PHC3: variants seen among roughly 807,000 people sequenced by gnomAD.
PHC3 encodes the protein polyhomeotic-like protein 3.
A neutral mutation model predicts 107.4 loss-of-function variants in PHC3; 13 were observed. That is an observed-to-expected ratio of 0.12 (90% CI 0.08 to 0.19). The LOEUF is 0.19. PHC3 is among the 10% of genes least tolerant of loss of function. The pLI is 1.00. For synonymous variants in PHC3, 456 were observed against 427.4 expected (o/e 1.07, Z -0.83); for missense variants, 992 against 1,210.9 (o/e 0.82, Z 2.68).
intron 8 of PHC3, among the ~76,000 whole-genome samples, chr3:170,127,745 G>A (rs754303857): frequency 8.5e-5 from 13 of 152,174 alleles, no homozygotes; most frequent in African/African-American, 3.1e-4. Context: ...CCTTTAGGAA[G>A]ATTCTTCTCC....
At chr3:170,172,781 T>C (rs1729812301) in intron 2 of PHC3, 69 bp from the exon 3 acceptor site, 2 of 1,508,086 alleles carry the variant, frequency 1.3e-6, no homozygotes, top group Non-Finnish European at 8.9e-7. Context: ...AAAATCAAAG[T>C]ATAAAAAAGT....
chr3:170,165,920 C>A (rs1043421047), intron 4 of PHC3, among the ~76,000 whole-genome samples: 1 of 148,048 alleles, frequency 6.8e-6, no homozygotes, highest in East Asian at 2.0e-4. Flanking sequence ...CTGGACAACA[C>A]AGTGAGACCC....
intron 4 of PHC3, among the ~76,000 whole-genome samples, chr3:170,155,819 C>T (rs1726803407): frequency 6.6e-6 from 1 of 152,114 alleles, no homozygotes; most frequent in Non-Finnish European, 1.5e-5. Context: ...GAAACACACA[C>T]ACACCCATGC....
intron 4 of PHC3, among the ~76,000 whole-genome samples, chr3:170,166,716 G>C (rs753350463): frequency 3.6e-4 from 55 of 152,072 alleles, no homozygotes; most frequent in Non-Finnish European, 7.1e-4. Flanking sequence ...CCAGGCTAGA[G>C]TACAGTGGCA....
chr3:170,125,661 CCAT>C (rs1283181583), intron 8 of PHC3, among the ~76,000 whole-genome samples: 1 of 152,074 alleles, frequency 6.6e-6, no homozygotes, highest in Non-Finnish European at 1.5e-5. Context: ...TTGAAATAAT[CCAT>C]CAAATACTGT....
At chr3:170,135,796 G>A (rs925679172) in intron 7 of PHC3, among the ~76,000 whole-genome samples, 1 of 152,124 alleles carries the variant, frequency 6.6e-6, no homozygotes, top group African/African-American at 2.4e-5. Context: ...GAGATGAACA[G>A]AAGAGACAGT....
chr3:170,167,675 G>A (rs945289112), intron 4 of PHC3, among the ~76,000 whole-genome samples: 5 of 150,120 alleles, frequency 3.3e-5, no homozygotes, highest in Non-Finnish European at 7.4e-5. Context: ...CAGGAGAATC[G>A]CTTGAACCCA....
chr3:170,119,540 G>A (rs1030632446), intron 9 of PHC3, among the ~76,000 whole-genome samples: 14 of 151,834 alleles, frequency 9.2e-5, no homozygotes, highest in Admixed American at 2.6e-4. Flanking sequence ...TGTAAAAATC[G>A]AAAACATGAG....
chr3:170,162,899 C>T (rs578217798), intron 4 of PHC3, among the ~76,000 whole-genome samples: 2 of 152,290 alleles, frequency 1.3e-5, no homozygotes, highest in East Asian at 1.9e-4. Context: ...GCCCTCCTCA[C>T]CATTCTTAAA....
At chr3:170,173,170 G>A (rs1189060167) in intron 2 of PHC3, among the ~76,000 whole-genome samples, 3 of 150,638 alleles carry the variant, frequency 2.0e-5, no homozygotes, top group Non-Finnish European at 3.0e-5. Flanking sequence ...TCCAGCCTGG[G>A]CGACACAGCA....
chr3:170,150,992 C>G (rs555308083), intron 4 of PHC3, among the ~76,000 whole-genome samples: 1 of 152,020 alleles, frequency 6.6e-6, no homozygotes, highest in African/African-American at 2.4e-5. Flanking sequence ...GTGGGCGGAT[C>G]GCAAGGTCAG....
intron 2 of PHC3, among the ~76,000 whole-genome samples, chr3:170,178,229 C>A (rs1055377642): frequency 6.6e-6 from 1 of 151,374 alleles, no homozygotes; most frequent in Non-Finnish European, 1.5e-5. Context: ...CTGCAAGCTC[C>A]GCCTTCCGGG....
chr3:170,150,553 A>AAAAAAAAAAAG (rs1455753034), intron 4 of PHC3: 12 of 167,330 alleles, frequency 7.2e-5, no homozygotes, highest in Admixed American at 4.5e-4. Flanking sequence ...AAAAAAAAAA[A>AAAAAAAAAAAG]ATTAAAAAAA....
At chr3:170,159,018 A>G (rs1211290715) in intron 4 of PHC3, among the ~76,000 whole-genome samples, 5 of 151,972 alleles carry the variant, frequency 3.3e-5, no homozygotes, top group South Asian at 2.1e-4. Context: ...TTGGGAGGCC[A>G]AGGCGGGCAG....
chr3:170,148,887 G>T, intron 5 of PHC3, 199 bp downstream of exon 5: 1 of 490,940 alleles, frequency 2.0e-6, no homozygotes, highest in African/African-American at 1.9e-5. Context: ...ATTACTATTT[G>T]ATACCAAGAA....
Position 170,113,370 on chromosome 3 carries a change from C to G in PHC3, c.2343G>C (p.Met781Ile). The change falls in exon 11 of 15, where the codon ATG (methionine) becomes ATC (isoleucine). Residue 781 changes from methionine to isoleucine, a missense_variant. Physicochemically the swap from Met to Ile is conservative, Grantham distance 10 (BLOSUM62 1). Coordinates refer to ENST00000495893, the MANE Select transcript of PHC3 (RefSeq NM_024947.4). Reference protein sequence around the residue: ...DNSSDTEMEDMIAEETLEEMD... With the variant: ...DNSSDTEMEDIIAEETLEEMD... ...GTGAAACCCACAAACCTTCAGCAATCATGTCTTCCATCTCTGTGTCAGATG... is the reference window on the plus strand; with the variant it reads ...GTGAAACCCACAAACCTTCAGCAATGATGTCTTCCATCTCTGTGTCAGATG... 1 of 1,605,620 alleles carries G rather than the reference C, an allele frequency of 6.2e-7. No homozygotes were observed.
At chr3:170,142,916 G>A (rs1312949890) in intron 6 of PHC3, among the ~76,000 whole-genome samples, 1 of 152,160 alleles carries the variant, frequency 6.6e-6, no homozygotes, top group African/African-American at 2.4e-5. Flanking sequence ...GCTCACACCT[G>A]TACTCCCAAA....
intron 5 of PHC3, among the ~76,000 whole-genome samples, chr3:170,146,689 C>T (rs185827183): frequency 9.4e-5 from 14 of 149,326 alleles, no homozygotes; most frequent in Admixed American, 8.0e-4. Context: ...TACGCCACAA[C>T]GCCCGGCTAA....
At chr3:170,158,927 G>GA (rs145178751) in intron 4 of PHC3, among the ~76,000 whole-genome samples, 11,028 of 120,112 alleles carry the variant, frequency 0.092, 485 homozygotes, top group Middle Eastern at 0.15. Flanking sequence ...AACCTGTCTT[G>GA]AAAAAAAAAA....
Sources: gnomAD v4.1 joint callset for allele counts (sites outside exome capture counted in the v4.1 genomes callset) on GRCh38, gnomAD v4.1.1 for gene constraint, MANE v1.5 for transcripts, NCBI Gene and HGNC (gene_info 2026-07-23, HGNC 2026-07-21) for gene names.